The following MALRD1 variants were observed in gnomAD, a reference collection of about 807,000 sequenced individuals.
MALRD1 encodes MAM and LDL-receptor class A domain-containing protein 1.
In MALRD1, 247 loss-of-function variants were observed where a neutral mutation model predicts 242.1. The observed-to-expected ratio is 1.02, with a 90% CI of 0.92 to 1.13. The LOEUF (loss-of-function observed/expected upper bound fraction) is 1.13. MALRD1 is among the 50% of genes most tolerant of loss of function. The probability of loss-of-function intolerance (pLI) is 0.00; values close to 1 mark genes in which losing one functional copy is unlikely to be tolerated. For missense variants in MALRD1, 2,989 were observed against 2,533.1 expected (o/e 1.18, Z -3.86); for synonymous variants, 995 against 866.6 (o/e 1.15, Z -2.60).
In MALRD1 at chr10:19,176,366, C is replaced by CCTTTTTTTTTTTTTTTTTTTTT. The variant is rs1484132630; in HGVS notation, c.1951+1038_1951+1039insCTTTTTTTTTTTTTTTTTTTTT. ...TCGAGAGAGTGTATATTTCTGGGTG[C>CCTTTTTTTTTTTTTTTTTTTTT]TTTTTTTTTTTTTTTTTTTGAGACG... On this transcript the variant is annotated intron_variant, in intron 14 of 39. Transcript: ENST00000454679. Among the ~76,000 whole-genome samples, 6 of 87,296 alleles carry CCTTTTTTTTTTTTTTTTTTTTT rather than the reference C, an allele frequency of 6.9e-5. 1 individual carries two copies. Among genetic ancestry groups the CCTTTTTTTTTTTTTTTTTTTTT allele is most frequent in the African/African-American group, 2.6e-4 (6 of 23,112 alleles). The allele number at this position is 87,296 out of a possible 152,430, so 57.3% of individuals were successfully genotyped here. A position where few individuals can be genotyped will look rare whatever the true frequency, so the allele number is the denominator to read the frequency against.
intron 29 of MALRD1, among the ~76,000 whole-genome samples, chr10:19,477,920 G>T (rs1319362716): frequency 1.3e-5 from 2 of 152,188 alleles, no homozygotes; most frequent in Non-Finnish European, 2.9e-5. Flanking sequence ...GGAAGTTGGA[G>T]CTGCCATGTT....
intron 24 of MALRD1, among the ~76,000 whole-genome samples, chr10:19,336,469 A>G (rs1843618620): frequency 6.6e-6 from 1 of 152,170 alleles, no homozygotes; most frequent in African/African-American, 2.4e-5. Context: ...ATTTTCAAGC[A>G]CACACAGAAC....
At chr10:19,145,473 G>A (rs958996660) in intron 10 of MALRD1, among the ~76,000 whole-genome samples, 9 of 151,850 alleles carry the variant, frequency 5.9e-5, no homozygotes, top group African/African-American at 2.2e-4. Flanking sequence ...GTGAAACACT[G>A]TCTCTCCTAA....
In MALRD1 at chr10:19,205,119, T is replaced by G. The variant is rs1321451323; in HGVS notation, c.2432T>G (p.Phe811Cys). Residue 811 changes from phenylalanine (F) to cysteine (C), a missense_variant, in exon 17 of 40, where the codon TTT becomes TGT. Physicochemically the swap from Phe to Cys is radical, Grantham distance 205. Transcript: ENST00000454679. ...DGVSAIDDIR[F>C]ENCTLPLPAE... ...GTCTCAGCTATTGATGACATCCGAT[T>G]TGAAAATTGTACTCTCCCTCTTCCT... The G allele has an allele frequency of 2.6e-6, 4 of 1,550,732 alleles. No homozygotes were observed. In the South Asian group the frequency reaches 4.8e-5, roughly 18 times the overall value.
chr10:19,508,715 T>C (rs1050249152), intron 31 of MALRD1, among the ~76,000 whole-genome samples: 7 of 152,204 alleles, frequency 4.6e-5, no homozygotes, highest in African/African-American at 1.7e-4. Flanking sequence ...TTAGATTAAA[T>C]AAATTACTAA....
intron 32 of MALRD1, among the ~76,000 whole-genome samples, chr10:19,565,537 T>C (rs1209724367): frequency 6.6e-6 from 1 of 152,184 alleles, no homozygotes; most frequent in East Asian, 1.9e-4. Context: ...TTTAATTAGG[T>C]TCTGTATAGT....
chr10:19,094,943 A>G (rs1205811577), intron 4 of MALRD1, among the ~76,000 whole-genome samples: 1 of 152,222 alleles, frequency 6.6e-6, no homozygotes, highest in Admixed American at 6.5e-5. Context: ...ATTTGGGACA[A>G]TCAAACAAAA....
intron 30 of MALRD1, chr10:19,493,180 A>G (rs1837565249): frequency 6.6e-6 from 1 of 152,022 alleles, no homozygotes; most frequent in Non-Finnish European, 1.5e-5. Context: ...CCCCTAGACC[A>G]TGGTAACCAC....
intron 29 of MALRD1, 26 bp downstream of exon 29, chr10:19,450,516 T>A: frequency 1.3e-6 from 2 of 1,527,054 alleles, no homozygotes; most frequent in South Asian, 1.2e-5. Flanking sequence ...GCACTTCCAT[T>A]TGGAAGCACA....
intron 4 of MALRD1, among the ~76,000 whole-genome samples, chr10:19,099,182 GCTTCCAGTTTGCTTATC>G (rs1485749496): frequency 6.6e-6 from 1 of 152,156 alleles, no homozygotes; most frequent in Non-Finnish European, 1.5e-5. Flanking sequence ...ACCCGTGCAA[GCTTCCAGTTTGCTTATC>G]TATGTTTACA....
intron 31 of MALRD1, among the ~76,000 whole-genome samples, chr10:19,527,698 G>T (rs536635819): frequency 3.4e-4 from 52 of 152,280 alleles, no homozygotes; most frequent in Middle Eastern, 3.4e-3. Flanking sequence ...TTGGGACAAA[G>T]TCAAGGCTAT....
intron 26 of MALRD1, among the ~76,000 whole-genome samples, chr10:19,365,317 G>A (rs1331154785): frequency 6.6e-6 from 1 of 151,902 alleles, no homozygotes; most frequent in Non-Finnish European, 1.5e-5. Context: ...GTGGTTACCT[G>A]TAATTAACTT....
intron 5 of MALRD1, among the ~76,000 whole-genome samples, chr10:19,106,046 T>C (rs1836450544): frequency 6.6e-6 from 1 of 151,818 alleles, no homozygotes; most frequent in South Asian, 2.1e-4. Flanking sequence ...AAAGGACTGG[T>C]TTTATTTGTT....
At chr10:19,290,770 A>G (rs1458177402) in intron 21 of MALRD1, among the ~76,000 whole-genome samples, 1 of 152,174 alleles carries the variant, frequency 6.6e-6, no homozygotes, top group East Asian at 1.9e-4. Context: ...TTATCATTGA[A>G]TCAAGATACT....
At chr10:19,536,181 C>G (rs1379202849) in intron 32 of MALRD1, among the ~76,000 whole-genome samples, 1 of 152,034 alleles carries the variant, frequency 6.6e-6, no homozygotes, top group Admixed American at 6.6e-5. Flanking sequence ...TGGAAGGTAC[C>G]CACAAAAGAC....
At chr10:19,489,914 A>G (rs1221456668) in intron 29 of MALRD1, among the ~76,000 whole-genome samples, 3 of 152,164 alleles carry the variant, frequency 2.0e-5, no homozygotes, top group African/African-American at 7.2e-5. Context: ...TTTTCCTAAT[A>G]ACTTTGTTAC....
At chr10:19,138,738 T>G (rs1214889526) in intron 10 of MALRD1, among the ~76,000 whole-genome samples, 1 of 152,070 alleles carries the variant, frequency 6.6e-6, no homozygotes, top group Non-Finnish European at 1.5e-5. Flanking sequence ...ATTTGGAAGC[T>G]TAGCTTTTTC....
intron 11 of MALRD1, among the ~76,000 whole-genome samples, chr10:19,152,466 C>T (rs1453141248): frequency 1.3e-5 from 2 of 151,904 alleles, no homozygotes; most frequent in Non-Finnish European, 2.9e-5. Context: ...CATCTAGAAA[C>T]ATGTTATCTC....
rs148991774 is a variant in MALRD1, at chr10:19,519,250, T to C, written c.5321-11944T>C. 5.6e-3 allele frequency among the ~76,000 whole-genome samples: 846 copies of C among 150,812 alleles called. 8 individuals carry two copies. Among genetic ancestry groups the C allele is most frequent in the Non-Finnish European group, 8.8e-3 (595 of 68,000 alleles). ...CATTTATTTACACTATGAATATCAG[T>C]TTTTTTCTCATTTTCTTCTATTGTT... is the stretch of plus-strand genomic sequence containing the variant. On this transcript the variant is annotated intron_variant, in intron 31 of 39. Coordinates refer to ENST00000454679, the MANE Select transcript of MALRD1 (RefSeq NM_001142308.3).
Sources: allele counts gnomAD v4.1 joint callset (sites outside exome capture counted in the v4.1 genomes callset), GRCh38; gene constraint gnomAD v4.1.1; transcripts MANE v1.5; gene names NCBI Gene and HGNC (gene_info 2026-07-23, HGNC 2026-07-21).